Variants in STON1 observed in about 807,000 individuals in gnomAD.
STON1 encodes the protein stonin-1.
Under a neutral mutation model 60.9 loss-of-function variants are expected in STON1, and 79 were observed. The observed-to-expected ratio is 1.30, with a 90% confidence interval of 1.08 to 1.56. STON1 has a LOEUF of 1.56. Among genes scored for constraint, STON1 ranks in the 40% most tolerant of loss-of-function variants. The pLI, the probability that STON1 is intolerant of heterozygous loss-of-function variation, is 0.00. For synonymous variants in STON1, 363 were observed against 306.9 expected (o/e 1.18, Z -1.91); for missense variants, 1,166 against 858.9 (o/e 1.36, Z -4.47).
chr2:48,583,476 A>G (rs940408755), intron 2 of STON1, among the ~76,000 whole-genome samples: 3 of 152,282 alleles, frequency 2.0e-5, no homozygotes, highest in Non-Finnish European at 1.5e-5. Flanking sequence ...AAAATTATCT[A>G]AAAGTCAGAA....
chr2:48,549,840 A>G (rs910098565), intron 1 of STON1, among the ~76,000 whole-genome samples: 26 of 146,640 alleles, frequency 1.8e-4, no homozygotes, highest in African/African-American at 6.2e-4. Flanking sequence ...AAAAGAGAAA[A>G]GAAAAAGCAG....
At chr2:48,539,024 C>T (rs1035648108) in intron 1 of STON1, among the ~76,000 whole-genome samples, 1 of 151,338 alleles carries the variant, frequency 6.6e-6, no homozygotes, top group Non-Finnish European at 1.5e-5. Context: ...CTCAAGCTAT[C>T]CTCTTGCCTC....
At chr2:48,542,106 T>A (rs1671679731) in intron 1 of STON1, among the ~76,000 whole-genome samples, 1 of 152,254 alleles carries the variant, frequency 6.6e-6, no homozygotes, top group South Asian at 2.1e-4. Context: ...TGGGCATGCA[T>A]GTGTACGTGT....
intron 1 of STON1, among the ~76,000 whole-genome samples, chr2:48,543,140 A>C (rs931398248): frequency 1.3e-5 from 2 of 151,836 alleles, no homozygotes; most frequent in African/African-American, 4.8e-5. Flanking sequence ...ATGCCCAGCT[A>C]ATTTTTGTAT....
intron 3 of STON1, 21 bp downstream of exon 3, chr2:48,591,876 A>T: frequency 6.2e-7 from 1 of 1,610,876 alleles, no homozygotes; most frequent in South Asian, 1.1e-5. Context: ...AAACTTCTAG[A>T]ACTGTGACCT....
chr2:48,549,409 C>G (rs1412537785), intron 1 of STON1, among the ~76,000 whole-genome samples: 1 of 152,136 alleles, frequency 6.6e-6, no homozygotes, highest in East Asian at 1.9e-4. Context: ...TTCCATGGAA[C>G]TATGCTTCAG....
At chr2:48,538,939 T>C (rs7587917) in intron 1 of STON1, among the ~76,000 whole-genome samples, 40,342 of 151,796 alleles carry the variant, frequency 0.27, 6,028 homozygotes, top group East Asian at 0.51. Context: ...TTTTTAGAGA[T>C]GGGATCTTGC....
At chr2:48,553,982 G>T (rs978115111) in intron 1 of STON1, among the ~76,000 whole-genome samples, 2 of 152,236 alleles carry the variant, frequency 1.3e-5, no homozygotes, top group African/African-American at 4.8e-5. Context: ...AAGGACTTCT[G>T]TGTGCTGTGA....
At chr2:48,539,273 A>G (rs1463232468) in intron 1 of STON1, among the ~76,000 whole-genome samples, 1 of 152,076 alleles carries the variant, frequency 6.6e-6, no homozygotes, top group South Asian at 2.1e-4. Flanking sequence ...CTTTATTAAT[A>G]TAGATGTCTA....
chr2:48,572,035 C>T (rs576921562), intron 1 of STON1, among the ~76,000 whole-genome samples: 20 of 152,058 alleles, frequency 1.3e-4, no homozygotes, highest in Admixed American at 5.9e-4. Flanking sequence ...TGGTGGTGGG[C>T]GCCTGTAATC....
intron 1 of STON1, among the ~76,000 whole-genome samples, chr2:48,545,290 ACAC>A (rs1671821448): frequency 6.6e-6 from 1 of 152,166 alleles, no homozygotes; most frequent in African/African-American, 2.4e-5. Flanking sequence ...TGGCTTTATA[ACAC>A]ATGTGATGGG....
intron 1 of STON1, among the ~76,000 whole-genome samples, chr2:48,540,779 G>A (rs1229863291): frequency 6.6e-6 from 1 of 152,136 alleles, no homozygotes; most frequent in Non-Finnish European, 1.5e-5. Flanking sequence ...GCAGTCTTGG[G>A]AACTAGCCCT....
At chr2:48,580,537 C>G in intron 1 of STON1, 50 bp from the exon 2 acceptor site, 24 of 1,286,356 alleles carry the variant, frequency 1.9e-5, no homozygotes, top group Non-Finnish European at 2.2e-5. Context: ...GTAATGATTC[C>G]CCCCTTCATT....
intron 1 of STON1, among the ~76,000 whole-genome samples, chr2:48,572,996 C>T (rs1352742409): frequency 6.6e-6 from 1 of 152,240 alleles, no homozygotes; most frequent in East Asian, 1.9e-4. Flanking sequence ...GTGGATGCAG[C>T]AAATGACAAC....
intron 1 of STON1, among the ~76,000 whole-genome samples, chr2:48,566,123 G>A (rs1250990824): frequency 2.0e-5 from 3 of 152,226 alleles, no homozygotes; most frequent in Non-Finnish European, 4.4e-5. Flanking sequence ...ACAGGGAAAA[G>A]AGTCTAGCTT....
chr2:48,557,704 T>G (rs1007228458), intron 1 of STON1, among the ~76,000 whole-genome samples: 1 of 69,050 alleles, frequency 1.4e-5, no homozygotes, highest in African/African-American at 5.0e-5. Flanking sequence ...AGGCCGAGGT[T>G]GGCGGATCAC....
intron 1 of STON1, among the ~76,000 whole-genome samples, chr2:48,537,884 G>A (rs968687779): frequency 6.6e-6 from 1 of 150,588 alleles, no homozygotes; most frequent in African/African-American, 2.4e-5. Context: ...GAAAAAAAAA[G>A]GAAATTGTTC....
rs1417767345 is a variant in STON1, at chr2:48,596,088, AATTTTTAAAATTTATAAATACT to A, written c.*792_*813del. The A allele has an allele frequency of 1.3e-5, 2 of 152,230 alleles. No homozygotes were observed. The highest frequency in any genetic ancestry group is 4.8e-5 in the African/African-American group (2 of 41,462). The allele number at this position is 152,230 out of a possible 1,614,324, so 9.4% of individuals were successfully genotyped here. ...AACATATTTGTGTATATTAAATATG[AATTTTTAAAATTTATAAATACT>A]ATTTTCCAAAAGTACAGACTCTAAG... On this transcript the variant is annotated 3_prime_UTR_variant, in exon 4 of 4. Transcript: ENST00000404752.
chr2:48,575,804 G>T (rs1348164739), intron 1 of STON1, among the ~76,000 whole-genome samples: 2 of 144,138 alleles, frequency 1.4e-5, no homozygotes, highest in African/African-American at 5.1e-5. Context: ...TGTTGCCCAG[G>T]CTGGAGTGCA....
Sources: gnomAD v4.1 joint callset for allele counts (sites outside exome capture counted in the v4.1 genomes callset) on GRCh38, gnomAD v4.1.1 for gene constraint, MANE v1.5 for transcripts, NCBI Gene and HGNC (gene_info 2026-07-23, HGNC 2026-07-21) for gene names.